UGT3A2: variants seen among roughly 807,000 people sequenced by gnomAD.
UGT3A2 encodes the protein UDP-glycosyltransferase 3A2.
A neutral mutation model predicts 39.8 loss-of-function variants in UGT3A2; 32 were observed. The ratio of observed to expected loss-of-function variants is 0.80; its 90% CI spans 0.61 to 1.08. UGT3A2 has a LOEUF of 1.08. Ranked by LOEUF, UGT3A2 falls within the 50% of genes least tolerant of loss-of-function variation. The probability of loss-of-function intolerance (pLI) is 0.00; values close to 1 mark genes in which losing one functional copy is unlikely to be tolerated. For synonymous variants in UGT3A2, 241 were observed against 230.7 expected (o/e 1.04, Z -0.40); for missense variants, 611 against 637.1 (o/e 0.96, Z 0.44).
intron 4 of UGT3A2, among the ~76,000 whole-genome samples, chr5:36,043,791 C>T (rs1409375906): frequency 6.6e-6 from 1 of 151,926 alleles, no homozygotes; most frequent in Non-Finnish European, 1.5e-5. Context: ...ATACAACTTG[C>T]CAAGATTAAT....
chr5:36,049,088 T>G lies in UGT3A2; in HGVS notation c.644A>C (p.Gln215Pro). 6.2e-7 allele frequency: 1 copy of G among 1,614,190 alleles called. No homozygotes were observed. The highest frequency in any genetic ancestry group is 1.7e-5 in the Admixed American group (1 of 60,008). ...LMFFSFCRRQ[Q>P]HMQSTFDNTI... ...GTTGTCAAATGTAGACTGCATGTGC[T>G]GTTGCCTCCTGCAGAAACTAAAGAA... The change falls in exon 4 of 7, where the codon CAG (glutamine) becomes CCG (proline). Residue 215 changes from glutamine (Q) to proline (P), a missense_variant. Coordinates refer to ENST00000282507, the MANE Select transcript of UGT3A2 (RefSeq NM_174914.4).
chr5:36,062,013 T>G (rs974795490), intron 2 of UGT3A2, among the ~76,000 whole-genome samples: 1 of 151,882 alleles, frequency 6.6e-6, no homozygotes, highest in Non-Finnish European at 1.5e-5. Context: ...CATTTTTTCA[T>G]GTGTTTTTTG....
At chr5:36,037,261 T>G (rs1052891320) in intron 6 of UGT3A2, among the ~76,000 whole-genome samples, 2 of 152,084 alleles carry the variant, frequency 1.3e-5, no homozygotes, top group African/African-American at 4.8e-5. Context: ...AATGAGGTAA[T>G]TACAGACCTT....
chr5:36,039,448 G>A lies in UGT3A2; in HGVS notation c.1075+29C>T, dbSNP rs368925831. 4 of 1,602,406 alleles carry A rather than the reference G, an allele frequency of 2.5e-6. No homozygotes were observed. In the African/African-American group the frequency reaches 4.0e-5, roughly 16 times the overall value. On this transcript the variant is annotated intron_variant, in intron 5 of 6. Transcript: ENST00000282507. ...GAGCCCCAAAGACAGGTCAGTGGAA[G>A]GAGAGGAGCAGTCCTGGGCAGCCCT...
At position 36,039,337 on chromosome 5, in the gene UGT3A2, C is replaced by A. The variant is rs1233546366; in HGVS notation, c.1075+140G>T. ...TAGCCTGGTTTCCCAAGAACTCCAGCTGGCTGCTACTTTTCTGCCCACTGA... is the reference window on the plus strand; with the variant it reads ...TAGCCTGGTTTCCCAAGAACTCCAGATGGCTGCTACTTTTCTGCCCACTGA... On this transcript the variant is annotated intron_variant, in intron 5 of 6. Coordinates refer to ENST00000282507, the MANE Select transcript of UGT3A2 (RefSeq NM_174914.4). 11 of 776,542 alleles carry A rather than the reference C, an allele frequency of 1.4e-5. No homozygotes were observed. The East Asian group carries it at 2.9e-4, about 21-fold the overall frequency. 48.1% of individuals were successfully genotyped at this position (776,542 alleles called of 1,614,324 possible).
At chr5:36,055,031 C>A (rs983603384) in intron 2 of UGT3A2, among the ~76,000 whole-genome samples, 1 of 151,682 alleles carries the variant, frequency 6.6e-6, no homozygotes, top group African/African-American at 2.4e-5. Flanking sequence ...TCTTGGGTAC[C>A]GGGAGGCTGA....
intron 4 of UGT3A2, among the ~76,000 whole-genome samples, chr5:36,044,863 G>A (rs529443447): frequency 1.4e-3 from 216 of 152,152 alleles, no homozygotes; most frequent in African/African-American, 5.1e-3. Flanking sequence ...GCTATTCCAC[G>A]TTCATGCACT....
intron 5 of UGT3A2, 26 bp downstream of exon 5, chr5:36,039,451 G>C: frequency 1.2e-6 from 2 of 1,605,912 alleles, no homozygotes; most frequent in Non-Finnish European, 1.7e-6. Flanking sequence ...AGTGGAAGGA[G>C]AGGAGCAGTC....
chr5:36,059,681 G>C (rs1019892261), intron 2 of UGT3A2, among the ~76,000 whole-genome samples: 1 of 152,152 alleles, frequency 6.6e-6, no homozygotes. Context: ...TAATCAGAAA[G>C]AGCCTGTTTC....
chr5:36,045,431 C>T (rs182096421), intron 4 of UGT3A2, among the ~76,000 whole-genome samples: 2,163 of 151,994 alleles, frequency 0.014, 28 homozygotes, highest in African/African-American at 0.049. Flanking sequence ...TGGTGAAACC[C>T]TGTCTCTACT....
rs757931973 is a variant in UGT3A2 at position 36,052,021 on chromosome 5, T to A, written c.197-37A>T. 6 of 1,317,606 alleles carry A rather than the reference T, an allele frequency of 4.6e-6. No homozygotes were observed. In the South Asian group the frequency reaches 6.8e-5, roughly 15 times the overall value. The allele number at this position is 1,317,606 out of a possible 1,614,324, so 81.6% of individuals were successfully genotyped here. A position where few individuals can be genotyped will look rare whatever the true frequency, so the allele number is the denominator to read the frequency against. On this transcript the variant is annotated intron_variant, in intron 2 of 6. Transcript: ENST00000282507. ...GCAACGGGTTAAAAAAAAAGTTAAATATGCTACACAAAAGAGTAACATTAG... is the reference window on the plus strand; with the variant it reads ...GCAACGGGTTAAAAAAAAAGTTAAAAATGCTACACAAAAGAGTAACATTAG...
chr5:36,042,258 T>G (rs1459075255), intron 4 of UGT3A2, among the ~76,000 whole-genome samples: 3 of 152,122 alleles, frequency 2.0e-5, no homozygotes, highest in African/African-American at 7.2e-5. Flanking sequence ...TTTTTATTAC[T>G]GTTCTTTTTT....
intron 2 of UGT3A2, among the ~76,000 whole-genome samples, chr5:36,054,690 TA>T (rs34252526): frequency 0.68 from 101,789 of 150,454 alleles, 35,357 homozygotes; most frequent in Non-Finnish European, 0.76. Flanking sequence ...AAAAAGAAAG[TA>T]AAAAAAAAAA....
chr5:36,061,261 TTA>T (rs1742690886), intron 2 of UGT3A2, among the ~76,000 whole-genome samples: 1 of 135,204 alleles, frequency 7.4e-6, no homozygotes, highest in African/African-American at 2.7e-5. Flanking sequence ...TTATTATACT[TTA>T]AGTTTTAGGG....
rs1491359183 is a variant in UGT3A2 at position 36,059,362 on chromosome 5, T to TC, written c.196+4886_196+4887insG. On this transcript the variant is annotated intron_variant, in intron 2 of 6. Transcript: ENST00000282507. ...GAAGAATTTGGTTATTTCTTTTCTC[T>TC]TTTTTTTTTTTTTTTTTTGGAGTTT... 6.7e-3 allele frequency among the ~76,000 whole-genome samples: 135 copies of TC among 20,078 alleles called. 1 individual carries two copies. Among genetic ancestry groups the TC allele is most frequent in the African/African-American group, 0.03 (129 of 4,372 alleles). 13.2% of individuals were successfully genotyped at this position (20,078 alleles called of 152,430 possible).
In UGT3A2 at chr5:36,039,932, C is replaced by T. The variant is rs79972118; in HGVS notation, c.844-224G>A. Among the ~76,000 whole-genome samples, 1,075 of 152,190 alleles carry T rather than the reference C, an allele frequency of 7.1e-3. 16 individuals carry two copies. Among genetic ancestry groups the T allele is most frequent in the African/African-American group, 0.025 (1,036 of 41,518 alleles). ...TTGAAACCCTGACCCTACTATCAGGCCTTTCTTGACCTTCCACCCATTATA... is the reference window on the plus strand; with the variant it reads ...TTGAAACCCTGACCCTACTATCAGGTCTTTCTTGACCTTCCACCCATTATA... On this transcript the variant is annotated intron_variant, in intron 4 of 6. Coordinates refer to ENST00000282507, the MANE Select transcript of UGT3A2 (RefSeq NM_174914.4).
At chr5:36,053,117 G>A (rs1300711690) in intron 2 of UGT3A2, among the ~76,000 whole-genome samples, 1 of 152,196 alleles carries the variant, frequency 6.6e-6, no homozygotes, top group Non-Finnish European at 1.5e-5. Context: ...CTTTCTCCAG[G>A]AGTACAGATA....
In UGT3A2 at chr5:36,053,522, A is replaced by T. The variant is rs942200804; in HGVS notation, c.197-1538T>A. Among the ~76,000 whole-genome samples the T allele has an allele frequency of 8.5e-5, 13 of 152,198 alleles. No individual in the cohort carries two copies. In the East Asian group the frequency reaches 2.5e-3, roughly 29 times the overall value. On this transcript the variant is annotated intron_variant, in intron 2 of 6. Coordinates refer to ENST00000282507, the MANE Select transcript of UGT3A2 (RefSeq NM_174914.4). ...TAGAATCTGTCCAAGTTGCAATACA[A>T]CAGGCTCTCTCATTAGTGCCCGCCA...
rs1203449883 is a variant in UGT3A2 at position 36,037,787 on chromosome 5, A to T, written c.1295+10T>A. Reference sequence around the variant, plus strand: ...CGTCATTATGACCACAACCCCAAGGAGCTGCATACCTCTTGTCTTCCATGA... The same window carrying T: ...CGTCATTATGACCACAACCCCAAGGTGCTGCATACCTCTTGTCTTCCATGA... On this transcript the variant is annotated intron_variant, in intron 6 of 6. Transcript: ENST00000282507. 3.1e-6 allele frequency: 5 copies of T among 1,614,010 alleles called. No individual in the cohort carries two copies. In the South Asian group the frequency reaches 3.3e-5, roughly 11 times the overall value.
Sources: gnomAD v4.1 joint callset for allele counts (sites outside exome capture counted in the v4.1 genomes callset) on GRCh38, gnomAD v4.1.1 for gene constraint, MANE v1.5 for transcripts, NCBI Gene and HGNC (gene_info 2026-07-23, HGNC 2026-07-21) for gene names.